Variants in ZFHX3 observed in about 807,000 individuals in gnomAD.
ZFHX3 encodes zinc finger homeobox protein 3.
ZFHX3 carries 42 observed loss-of-function variants against 279.1 expected under a neutral mutation model. The observed-to-expected ratio is 0.15, with a 90% CI of 0.12 to 0.19. ZFHX3 has a LOEUF of 0.19. ZFHX3 is among the 10% of genes least tolerant of loss of function. The pLI, the probability that ZFHX3 is intolerant of heterozygous loss-of-function variation, is 1.00. For synonymous variants in ZFHX3, 2,293 were observed against 1,957.8 expected (o/e 1.17, Z -4.52); for missense variants, 4,981 against 4,754.0 (o/e 1.05, Z -1.40).
intron 8 of ZFHX3, among the ~76,000 whole-genome samples, chr16:73,080,855 T>G (rs1965935132): frequency 2.0e-5 from 3 of 152,034 alleles, no homozygotes; most frequent in South Asian, 4.1e-4. Flanking sequence ...TGCTGGGATT[T>G]CTGGTGTGAG....
chr16:73,329,382 C>T (rs749452132), intron 3 of ZFHX3, among the ~76,000 whole-genome samples: 1 of 152,232 alleles, frequency 6.6e-6, no homozygotes, highest in Non-Finnish European at 1.5e-5. Context: ...TCGAGTTTCA[C>T]TCAATGATGG....
chr16:73,888,599 A>G (rs1437584201), intron 1 of ZFHX3, among the ~76,000 whole-genome samples: 6 of 152,228 alleles, frequency 3.9e-5, no homozygotes, highest in Non-Finnish European at 7.3e-5. Context: ...CACCTGCTCC[A>G]CAGTAAATAC....
At chr16:73,521,874 T>C (rs1299756924) in intron 2 of ZFHX3, among the ~76,000 whole-genome samples, 1 of 152,130 alleles carries the variant, frequency 6.6e-6, no homozygotes, top group Non-Finnish European at 1.5e-5. Context: ...AGTAGCAATT[T>C]CCAGCCCTGG....
At chr16:73,656,881 T>C (rs987122310) in intron 2 of ZFHX3, among the ~76,000 whole-genome samples, 1 of 152,138 alleles carries the variant, frequency 6.6e-6, no homozygotes, top group Admixed American at 6.5e-5. Context: ...GCAAAGAAAA[T>C]TGTTTGCCAA....
chr16:73,519,053 A>T (rs1249282823), intron 2 of ZFHX3, among the ~76,000 whole-genome samples: 1 of 152,218 alleles, frequency 6.6e-6, no homozygotes, highest in Non-Finnish European at 1.5e-5. Context: ...AAGCAGATAG[A>T]TGTAAACATT....
rs527876134 is a variant in ZFHX3, at chr16:73,876,370, G to A, written c.-1608+15281C>T. ...AGGCAGCTAAAGAGTATGTTAACAC[G>A]ATGACCATCTGTATGCATGCAGACA... is the stretch of plus-strand genomic sequence containing the variant. On this transcript the variant is annotated intron_variant, in intron 1 of 17. Transcript: ENST00000641206. Among the ~76,000 whole-genome samples, 5 of 152,264 alleles carry A rather than the reference G, an allele frequency of 3.3e-5. No homozygotes were observed. The South Asian group carries it at 6.2e-4, about 19-fold the overall frequency.
chr16:73,832,088 A>T (rs933412274), intron 1 of ZFHX3, among the ~76,000 whole-genome samples: 1 of 151,942 alleles, frequency 6.6e-6, no homozygotes, highest in Admixed American at 6.6e-5. Context: ...TTTAGTAGAG[A>T]TGGGGTTTCA....
At chr16:73,264,634 T>A (rs1198026124) in intron 4 of ZFHX3, among the ~76,000 whole-genome samples, 1 of 152,062 alleles carries the variant, frequency 6.6e-6, no homozygotes, top group Non-Finnish European at 1.5e-5. Flanking sequence ...TTTGGTTACA[T>A]GGGCAAGTTC....
intron 7 of ZFHX3, 129 bp downstream of exon 7, chr16:72,811,448 A>G: frequency 9.9e-7 from 1 of 1,014,878 alleles, no homozygotes; most frequent in Non-Finnish European, 1.4e-6. Flanking sequence ...TCACAGAACA[A>G]GGACTGTTTT....
In ZFHX3 at chr16:73,159,336, C is replaced by CT. The variant is rs565167267; in HGVS notation, c.-1103-15506dup. Among the ~76,000 whole-genome samples, 52 of 152,248 alleles carry CT rather than the reference C, an allele frequency of 3.4e-4. No homozygotes were observed. The East Asian group carries it at 3.9e-3, about 11-fold the overall frequency. Reference sequence around the variant, plus strand: ...TTTTTCTCCCCTTTTTATCTAAGTCCTTGGGTGGTGCCCTCTCACAGACTC... The same window carrying CT: ...TTTTTCTCCCCTTTTTATCTAAGTCCTTTGGGTGGTGCCCTCTCACAGACTC... On this transcript the variant is annotated intron_variant, in intron 5 of 17. Transcript: ENST00000641206.
intron 1 of ZFHX3, among the ~76,000 whole-genome samples, chr16:73,003,733 T>C (rs927516239): frequency 6.6e-6 from 1 of 151,742 alleles, no homozygotes; most frequent in African/African-American, 2.4e-5. Context: ...ACAAAAAGGA[T>C]AATACATTTT....
chr16:73,228,033 G>A (rs1398725909), intron 5 of ZFHX3, among the ~76,000 whole-genome samples: 1 of 152,030 alleles, frequency 6.6e-6, no homozygotes, highest in Non-Finnish European at 1.5e-5. Flanking sequence ...CCATTTTAAA[G>A]ATAAGGAGAA....
intron 1 of ZFHX3, among the ~76,000 whole-genome samples, chr16:73,028,578 AGACAGGG>A (rs1255355917): frequency 6.6e-6 from 1 of 152,206 alleles, no homozygotes; most frequent in Admixed American, 6.5e-5. Context: ...AAGCACCAAC[AGACAGGG>A]GACGATTGTT....
intron 2 of ZFHX3, among the ~76,000 whole-genome samples, chr16:73,509,398 C>T (rs2143683035): frequency 6.6e-6 from 1 of 152,140 alleles, no homozygotes; most frequent in Non-Finnish European, 1.5e-5. Flanking sequence ...TCGATGTCTC[C>T]TGGCCTTTTT....
At chr16:73,265,431 T>G (rs1475676641) in intron 4 of ZFHX3, among the ~76,000 whole-genome samples, 2 of 152,152 alleles carry the variant, frequency 1.3e-5, no homozygotes, top group Non-Finnish European at 2.9e-5. Context: ...CTGGATACAG[T>G]TCTCAGAATT....
chr16:73,477,608 G>T (rs1238108177), intron 2 of ZFHX3, among the ~76,000 whole-genome samples: 1 of 152,194 alleles, frequency 6.6e-6, no homozygotes, highest in African/African-American at 2.4e-5. Flanking sequence ...CGCGGACCCT[G>T]CCAACAGGCA....
chr16:73,451,816 G>A (rs923640571), intron 3 of ZFHX3, among the ~76,000 whole-genome samples: 3 of 152,112 alleles, frequency 2.0e-5, no homozygotes, highest in Non-Finnish European at 2.9e-5. Context: ...TAACATACAC[G>A]TGTGCATATT....
At chr16:73,181,042 A>G (rs1967780362) in intron 5 of ZFHX3, among the ~76,000 whole-genome samples, 3 of 152,058 alleles carry the variant, frequency 2.0e-5, no homozygotes, top group Admixed American at 2.0e-4. Flanking sequence ...TTGTGTAGGC[A>G]GGGCTTTGGA....
chr16:73,192,900 C>T (rs557669734), intron 5 of ZFHX3, among the ~76,000 whole-genome samples: 11 of 152,148 alleles, frequency 7.2e-5, no homozygotes, highest in Non-Finnish European at 1.6e-4. Flanking sequence ...GAGCTGGACA[C>T]AAGTGGGTCT....
Sources: allele counts gnomAD v4.1 joint callset (sites outside exome capture counted in the v4.1 genomes callset), GRCh38; gene constraint gnomAD v4.1.1; transcripts MANE v1.5; gene names NCBI Gene and HGNC (gene_info 2026-07-23, HGNC 2026-07-21).